The following SGMS1 variants were observed in gnomAD, a reference collection of about 807,000 sequenced individuals.
SGMS1 encodes the protein sphingomyelin synthase 1.
In SGMS1, 13 loss-of-function variants were observed where a neutral mutation model predicts 46.2. The observed-to-expected ratio is 0.28, with a 90% CI of 0.18 to 0.45. The LOEUF is 0.45. SGMS1 is among the 20% of genes least tolerant of loss of function. The pLI, the probability that SGMS1 is intolerant of heterozygous loss-of-function variation, is 1.00. For missense variants in SGMS1, 324 were observed against 519.9 expected, an observed-to-expected ratio of 0.62 and a Z score of 3.66; for synonymous variants, 203 against 187.8, an observed-to-expected ratio of 1.08 and a Z score of -0.66.
intron 6 of SGMS1, among the ~76,000 whole-genome samples, chr10:50,364,656 T>C (rs1848305649): frequency 6.6e-6 from 1 of 152,186 alleles, no homozygotes; most frequent in Non-Finnish European, 1.5e-5. Flanking sequence ...AAAGAAGTGA[T>C]GAGAACAATA....
chr10:50,616,986 C>T (rs943310643), intron 1 of SGMS1, among the ~76,000 whole-genome samples: 1 of 152,138 alleles, frequency 6.6e-6, no homozygotes, highest in Non-Finnish European at 1.5e-5. Flanking sequence ...GAAGTATAAA[C>T]ATCCACAAAT....
chr10:50,522,170 C>T (rs1040689267), intron 2 of SGMS1, among the ~76,000 whole-genome samples: 1 of 152,162 alleles, frequency 6.6e-6, no homozygotes, highest in Non-Finnish European at 1.5e-5. Context: ...CCTATTTTTT[C>T]AGTGACTTAT....
At chr10:50,332,681 C>T (rs1039256467) in intron 7 of SGMS1, among the ~76,000 whole-genome samples, 9 of 131,388 alleles carry the variant, frequency 6.8e-5, no homozygotes, top group African/African-American at 2.3e-4. Context: ...GGAGTGCAGT[C>T]GCATGATCAT....
chr10:50,580,454 A>G (rs1473860515), intron 2 of SGMS1, among the ~76,000 whole-genome samples: 2 of 146,054 alleles, frequency 1.4e-5, no homozygotes, highest in East Asian at 4.2e-4. Flanking sequence ...ACCCTCACTT[A>G]TAGAGACAAG....
At chr10:50,472,692 G>C (rs1344279923) in intron 3 of SGMS1, 1 of 152,094 alleles carries the variant, frequency 6.6e-6, no homozygotes, top group Admixed American at 6.6e-5. Flanking sequence ...TACATTTTTA[G>C]AAGTGAGATT....
chr10:50,329,825 C>G (rs1011496493), intron 7 of SGMS1, among the ~76,000 whole-genome samples: 4 of 152,220 alleles, frequency 2.6e-5, no homozygotes, highest in African/African-American at 7.2e-5. Flanking sequence ...AGTTTCCCAT[C>G]TGCACACACT....
chr10:50,308,561 C>A (rs1025613714), intron 9 of SGMS1, among the ~76,000 whole-genome samples: 1 of 152,038 alleles, frequency 6.6e-6, no homozygotes, highest in African/African-American at 2.4e-5. Context: ...AAGGACTAAG[C>A]AGTCATAACT....
At position 50,307,621 on chromosome 10, in the gene SGMS1, G is replaced by T. The variant is rs138729051; in HGVS notation, c.1063-300C>A. Among the ~76,000 whole-genome samples the T allele has an allele frequency of 5.2e-3, 793 of 152,258 alleles. 6 individuals are homozygous for T. The highest frequency in any genetic ancestry group is 0.018 in the African/African-American group (757 of 41,542). ...GGTATTCCTCTTCTATGCTAAAAAT[G>T]TTAACACTTAATTAAATGTTAAATA... On this transcript the variant is annotated intron_variant, in intron 10 of 10. Coordinates refer to ENST00000361781, the MANE Select transcript of SGMS1 (RefSeq NM_147156.4). This position sits in a 1 kb window ranked among gnomAD's most constrained non-coding sequence, Gnocchi z 4.2.
Position 50,354,196 on chromosome 10 carries a change from C to T in SGMS1, c.-231-9851G>A, listed in dbSNP as rs530507628. The stretch of plus-strand genomic sequence containing the variant: ...CACTACCTGACTTCAAACTATACTA[C>T]AAGGCTACAGTAACCAAAACAGCAT... On this transcript the variant is annotated intron_variant, in intron 6 of 10. Coordinates refer to ENST00000361781, the MANE Select transcript of SGMS1 (RefSeq NM_147156.4). 2.0e-5 allele frequency among the ~76,000 whole-genome samples: 3 copies of T among 150,920 alleles called. No individual in the cohort carries two copies. In the South Asian group the frequency reaches 6.4e-4, roughly 32 times the overall value.
chr10:50,442,731 T>C (rs962597656), intron 5 of SGMS1, among the ~76,000 whole-genome samples: 5 of 152,212 alleles, frequency 3.3e-5, no homozygotes, highest in African/African-American at 1.2e-4. Flanking sequence ...GTTTGTTTAA[T>C]TTGTATAAGT....
At chr10:50,402,610 C>A (rs1848957659) in intron 6 of SGMS1, among the ~76,000 whole-genome samples, 1 of 152,110 alleles carries the variant, frequency 6.6e-6, no homozygotes, top group African/African-American at 2.4e-5. Flanking sequence ...TCTTTAAAAA[C>A]CTTCTCTGGA....
At chr10:50,519,360 A>G (rs1178340854) in intron 3 of SGMS1, among the ~76,000 whole-genome samples, 2 of 152,144 alleles carry the variant, frequency 1.3e-5, no homozygotes, top group Non-Finnish European at 2.9e-5. Flanking sequence ...TACCTGTTCA[A>G]CTCCAGAGAA....
At chr10:50,377,502 A>C (rs1848537460) in intron 6 of SGMS1, among the ~76,000 whole-genome samples, 1 of 152,210 alleles carries the variant, frequency 6.6e-6, no homozygotes, top group Non-Finnish European at 1.5e-5. Context: ...AGATGTTTTC[A>C]TCATGTCTTC....
chr10:50,501,774 T>G (rs969780397), intron 3 of SGMS1, among the ~76,000 whole-genome samples: 4 of 152,176 alleles, frequency 2.6e-5, no homozygotes, highest in African/African-American at 9.6e-5. Context: ...GGCCCTACTT[T>G]CAAAGAGGTT....
intron 3 of SGMS1, among the ~76,000 whole-genome samples, chr10:50,487,258 T>C (rs987228455): frequency 1.3e-5 from 2 of 152,140 alleles, no homozygotes; most frequent in Non-Finnish European, 2.9e-5. Flanking sequence ...CTGCATGCTC[T>C]CATTGATAAG....
intron 3 of SGMS1, among the ~76,000 whole-genome samples, chr10:50,514,697 A>G (rs1837786908): frequency 6.6e-6 from 1 of 152,248 alleles, no homozygotes; most frequent in African/African-American, 2.4e-5. Context: ...TTTTAAAAGT[A>G]TAGAGGGGTC....
intron 2 of SGMS1, among the ~76,000 whole-genome samples, chr10:50,588,559 C>T (rs1020159502): frequency 3.9e-5 from 6 of 152,064 alleles, no homozygotes; most frequent in African/African-American, 1.4e-4. Context: ...AATTATGAGG[C>T]TGGGAATCAT....
chr10:50,620,421 T>C (rs190849108), intron 1 of SGMS1, among the ~76,000 whole-genome samples: 7 of 152,346 alleles, frequency 4.6e-5, no homozygotes, highest in Admixed American at 3.9e-4. Flanking sequence ...AAAAAAGGCA[T>C]AGCCATCTAT....
intron 7 of SGMS1, among the ~76,000 whole-genome samples, chr10:50,329,541 A>T (rs1361618752): frequency 6.6e-6 from 1 of 152,226 alleles, no homozygotes; most frequent in East Asian, 1.9e-4. Flanking sequence ...TCTACAACAA[A>T]CTTTAACAGA....
Sources: gnomAD v4.1 joint callset for allele counts (sites outside exome capture counted in the v4.1 genomes callset) on GRCh38, gnomAD v4.1.1 for gene constraint, Gnocchi (gnomAD v3.1) non-coding constraint, MANE v1.5 for transcripts, NCBI Gene and HGNC (gene_info 2026-07-23, HGNC 2026-07-21) for gene names.